ILDR1: variants seen among roughly 807,000 people sequenced by gnomAD.
ILDR1 encodes the protein immunoglobulin-like domain-containing receptor 1.
A neutral mutation model predicts 62.4 loss-of-function variants in ILDR1; 56 were observed. The observed-to-expected ratio is 0.90, with a 90% CI of 0.72 to 1.12. The LOEUF is 1.12. Ranked by LOEUF, ILDR1 falls within the 50% of genes most tolerant of loss-of-function variation. The probability of loss-of-function intolerance (pLI) is 0.00; values close to 1 mark genes in which losing one functional copy is unlikely to be tolerated. For synonymous variants in ILDR1, 284 were observed against 277.8 expected, an observed-to-expected ratio of 1.02 and a Z score of -0.22; for missense variants, 736 against 710.6, an observed-to-expected ratio of 1.04 and a Z score of -0.41.
rs1034308459 is a variant in ILDR1 at position 121,987,856 on chromosome 3, G to A, written c.*511C>T. ...AATATGCAAGAGAGCATGAACCAAG[G>A]CTAAAACTACAGTTGGTAATTCCTC... On this transcript the variant is annotated 3_prime_UTR_variant, in exon 8 of 8. Coordinates refer to ENST00000344209, the MANE Select transcript of ILDR1 (RefSeq NM_001199799.2). 7.7e-6 allele frequency: 2 copies of A among 260,584 alleles called. No individual in the cohort carries two copies. Among genetic ancestry groups the A allele is most frequent in the Admixed American group, 5.1e-5 (1 of 19,588 alleles). The allele number at this position is 260,584 out of a possible 1,614,324, so 16.1% of individuals were successfully genotyped here.
the ILDR1 span, among the ~76,000 whole-genome samples, chr3:122,047,646 C>T: frequency 2.2e-4 from 34 of 152,302 alleles, no homozygotes; most frequent in Non-Finnish European, 1.2e-4. Context: ...GTCTGAAAAG[C>T]GCAATATTCG....
chr3:122,018,548 A>C (rs1447151509), intron 1 of ILDR1, among the ~76,000 whole-genome samples: 1 of 152,024 alleles, frequency 6.6e-6, no homozygotes, highest in Non-Finnish European at 1.5e-5. Context: ...CAAACAAACA[A>C]ACAAACAAAA....
intron 7 of ILDR1, among the ~76,000 whole-genome samples, chr3:121,989,780 T>G (rs1382283045): frequency 2.6e-5 from 4 of 152,200 alleles, no homozygotes; most frequent in Non-Finnish European, 4.4e-5. Context: ...CATTTTCTCA[T>G]GGGCACTGTG....
chr3:122,058,805 AG>A, the ILDR1 span, among the ~76,000 whole-genome samples: 3 of 152,280 alleles, frequency 2.0e-5, no homozygotes, highest in African/African-American at 4.8e-5. Flanking sequence ...TGGAGTGACA[AG>A]GAGATCATTT....
At chr3:122,029,163 T>C in the ILDR1 span, among the ~76,000 whole-genome samples, 12 of 152,098 alleles carry the variant, frequency 7.9e-5, no homozygotes, top group Non-Finnish European at 1.8e-4. Context: ...CACAAAACAA[T>C]ATCGTATAGT....
chr3:122,056,257 G>C, the ILDR1 span, among the ~76,000 whole-genome samples: 6 of 152,134 alleles, frequency 3.9e-5, no homozygotes, highest in African/African-American at 1.2e-4. Context: ...TCCATGCTGT[G>C]GAGACTTCCT....
chr3:122,028,120 G>T, the ILDR1 span, among the ~76,000 whole-genome samples: 1 of 151,860 alleles, frequency 6.6e-6, no homozygotes, highest in Non-Finnish European at 1.5e-5. Flanking sequence ...TAGGTCAGGA[G>T]ATCGAGAGCA....
the ILDR1 span, among the ~76,000 whole-genome samples, chr3:122,035,955 A>G: frequency 6.6e-6 from 1 of 152,214 alleles, no homozygotes; most frequent in Non-Finnish European, 1.5e-5. Flanking sequence ...GATGTGGGAA[A>G]GTTTGGAACT....
chr3:121,992,958 C>T (rs897981707), intron 7 of ILDR1, among the ~76,000 whole-genome samples, 192 bp downstream of exon 7: 1 of 152,250 alleles, frequency 6.6e-6, no homozygotes, highest in African/African-American at 2.4e-5. Context: ...TCTCCCCTGC[C>T]CTCTGCACTC....
chr3:122,059,535 C>CAA, the ILDR1 span, among the ~76,000 whole-genome samples: 6 of 67,928 alleles, frequency 8.8e-5, no homozygotes, highest in African/African-American at 1.8e-4. Flanking sequence ...GACTCCGTCT[C>CAA]AAAAAAAAAA....
In ILDR1 at chr3:121,996,352, C is replaced by T. The variant is rs2071435381; in HGVS notation, c.647-2039G>A. ...TTCCCTGAGTTTTTTTCACACAGTC[C>T]AGAGATTAATTCACCTGCTCCCTTA... On this transcript the variant is annotated intron_variant, in intron 5 of 7. Coordinates refer to ENST00000344209, the MANE Select transcript of ILDR1 (RefSeq NM_001199799.2). 2.0e-5 allele frequency among the ~76,000 whole-genome samples: 3 copies of T among 152,104 alleles called. No homozygotes were observed. The South Asian group carries it at 6.2e-4, about 32-fold the overall frequency.
intron 3 of ILDR1, among the ~76,000 whole-genome samples, chr3:122,004,618 T>TAGC (rs937599165): frequency 2.0e-5 from 3 of 152,172 alleles, no homozygotes; most frequent in Non-Finnish European, 4.4e-5. Context: ...AGCTCTCACA[T>TAGC]AGCGCGCTAG....
At chr3:122,033,613 A>G in the ILDR1 span, among the ~76,000 whole-genome samples, 1 of 151,966 alleles carries the variant, frequency 6.6e-6, no homozygotes, top group Non-Finnish European at 1.5e-5. Flanking sequence ...ATCTCCTAAT[A>G]CTATTATATT....
the ILDR1 span, among the ~76,000 whole-genome samples, chr3:122,050,127 C>T: frequency 6.6e-6 from 1 of 152,180 alleles, no homozygotes; most frequent in Non-Finnish European, 1.5e-5. Flanking sequence ...ATTTTTCCAT[C>T]CTTATACTTT....
chr3:121,994,649 A>AT, intron 5 of ILDR1, among the ~76,000 whole-genome samples: 1 of 152,352 alleles, frequency 6.6e-6, no homozygotes, highest in Admixed American at 6.5e-5. Context: ...CATACAATGA[A>AT]TAAGTGGGCC....
At chr3:122,007,999 G>A (rs943466753) in intron 1 of ILDR1, among the ~76,000 whole-genome samples, 4 of 152,178 alleles carry the variant, frequency 2.6e-5, no homozygotes, top group Middle Eastern at 6.8e-3. Context: ...AAACGCAGTC[G>A]GCCTTCTCAA....
intron 3 of ILDR1, 118 bp downstream of exon 3, chr3:122,005,126 C>T: frequency 1.3e-6 from 1 of 748,718 alleles, no homozygotes; most frequent in Non-Finnish European, 2.3e-6. Flanking sequence ...TGACAGTGAC[C>T]AAGTAGACCA....
Position 121,993,472 on chromosome 3 carries a change from G to A in ILDR1, c.1277C>T (p.Ser426Leu), listed in dbSNP as rs752533948. The part of the protein sequence containing the change: ...SDRDSLSDVP[S>L]SSEARWRPSH... Reference sequence around the variant, plus strand: ...CGGCCGCCAGCGTGCCTCACTGGATGAGGGGACATCGCTTAGGCTGTCCCT... The same window carrying A: ...CGGCCGCCAGCGTGCCTCACTGGATAAGGGGACATCGCTTAGGCTGTCCCT... The change falls in exon 7 of 8, where the codon TCA becomes TTA. Residue 426 changes from serine (S) to leucine (L), a missense_variant. Ser to Leu is a moderately radical substitution (Grantham distance 145). Coordinates refer to ENST00000344209, the MANE Select transcript of ILDR1 (RefSeq NM_001199799.2). 2 of 1,614,140 alleles carry A rather than the reference G, an allele frequency of 1.2e-6. No homozygotes were observed. The highest frequency in any genetic ancestry group is 2.7e-5 in the African/African-American group (2 of 74,956).
chr3:122,055,652 A>G, the ILDR1 span: 2 of 724,380 alleles, frequency 2.8e-6, no homozygotes, highest in Non-Finnish European at 4.7e-6. Context: ...TTTGGCACAT[A>G]AAGGCAAGAA....
Sources: gnomAD v4.1 joint callset for allele counts (sites outside exome capture counted in the v4.1 genomes callset) on GRCh38, gnomAD v4.1.1 for gene constraint, MANE v1.5 for transcripts, NCBI Gene and HGNC (gene_info 2026-07-23, HGNC 2026-07-21) for gene names.